The following PDE4D variants were observed in gnomAD, a reference collection of about 807,000 sequenced individuals.
PDE4D encodes 3',5'-cyclic-AMP phosphodiesterase 4D.
PDE4D carries 24 observed loss-of-function variants against 87.4 expected under a neutral mutation model. That is an observed-to-expected ratio of 0.27 (90% CI 0.20 to 0.39). The LOEUF (loss-of-function observed/expected upper bound fraction) is 0.39. Ranked by LOEUF, PDE4D falls within the 10% of genes least tolerant of loss-of-function variation. The pLI is 1.00. For missense variants in PDE4D, 714 were observed against 1,041.0 expected (o/e 0.69, Z 4.32); for synonymous variants, 384 against 383.2 (o/e 1.00, Z -0.02).
intron 1 of PDE4D, among the ~76,000 whole-genome samples, chr5:59,473,083 G>GAAAAAAAAAAA (rs10573988): frequency 4.3e-5 from 4 of 92,096 alleles, no homozygotes; most frequent in East Asian, 3.5e-4. Context: ...GCTTTCTCAT[G>GAAAAAAAAAAA]AAAAAAAAAA....
At chr5:59,474,735 T>A (rs6871710) in intron 1 of PDE4D, among the ~76,000 whole-genome samples, 4 of 151,910 alleles carry the variant, frequency 2.6e-5, no homozygotes, top group Non-Finnish European at 5.9e-5. Context: ...TTTGGATTAC[T>A]GCAGAATAAC....
At chr5:60,256,431 C>T (rs889473639) in intron 1 of PDE4D, among the ~76,000 whole-genome samples, 2 of 151,754 alleles carry the variant, frequency 1.3e-5, no homozygotes, top group South Asian at 4.2e-4. Context: ...TTTATAAATC[C>T]TTAATTTGTG....
chr5:59,292,442 G>GC (rs1400855982), intron 1 of PDE4D, among the ~76,000 whole-genome samples: 2 of 151,930 alleles, frequency 1.3e-5, no homozygotes, highest in East Asian at 3.9e-4. Context: ...TTTCCACAAC[G>GC]TAGATTATTT....
At chr5:60,257,411 G>A (rs934289882) in intron 1 of PDE4D, among the ~76,000 whole-genome samples, 10 of 151,758 alleles carry the variant, frequency 6.6e-5, no homozygotes, top group Admixed American at 3.3e-4. Context: ...TGGCAGCGGC[G>A]ATATCTGAAC....
At chr5:59,599,104 C>T (rs1447344268) in intron 1 of PDE4D, among the ~76,000 whole-genome samples, 1 of 151,602 alleles carries the variant, frequency 6.6e-6, no homozygotes, top group African/African-American at 2.4e-5. Context: ...GGGAAGCACG[C>T]AAGAAAGATA....
chr5:59,119,362 G>C (rs1254043806), intron 5 of PDE4D, among the ~76,000 whole-genome samples: 1 of 152,062 alleles, frequency 6.6e-6, no homozygotes, highest in Non-Finnish European at 1.5e-5. Context: ...TATTGTATAG[G>C]GGCTACCAGC....
At chr5:59,339,930 T>C (rs962846981) in intron 1 of PDE4D, among the ~76,000 whole-genome samples, 1 of 151,782 alleles carries the variant, frequency 6.6e-6, no homozygotes, top group Admixed American at 6.6e-5. Context: ...GTTTTTTTGT[T>C]GTTTTGTTTT....
At chr5:59,587,403 T>C in intron 1 of PDE4D, 1 of 969,990 alleles carries the variant, frequency 1.0e-6, no homozygotes, top group African/African-American at 1.8e-5. Flanking sequence ...TCATTTATTC[T>C]GATGCTCTGA....
intron 1 of PDE4D, among the ~76,000 whole-genome samples, chr5:60,324,878 T>C (rs1756638499): frequency 6.6e-6 from 1 of 152,150 alleles, no homozygotes; most frequent in Non-Finnish European, 1.5e-5. Context: ...CAAAGTATAG[T>C]CAACTATAGC....
At chr5:60,339,990 G>A (rs1007096788) in intron 1 of PDE4D, among the ~76,000 whole-genome samples, 4 of 152,192 alleles carry the variant, frequency 2.6e-5, no homozygotes, top group Non-Finnish European at 5.9e-5. Context: ...TGCCCTAAAG[G>A]CCTCTGCCTT....
chr5:59,912,889 TA>T (rs1753608772), intron 3 of PDE4D, among the ~76,000 whole-genome samples: 1 of 151,918 alleles, frequency 6.6e-6, no homozygotes, highest in Non-Finnish European at 1.5e-5. Context: ...TTCTGAAAAA[TA>T]AAATAAGAGA....
At chr5:59,099,320 G>A (rs1290207949) in intron 5 of PDE4D, among the ~76,000 whole-genome samples, 1 of 152,132 alleles carries the variant, frequency 6.6e-6, no homozygotes, top group Non-Finnish European at 1.5e-5. Flanking sequence ...TTCTTTACTG[G>A]AGCAAACTTC....
chr5:59,779,729 A>C (rs139782370), intron 1 of PDE4D, among the ~76,000 whole-genome samples: 12 of 152,348 alleles, frequency 7.9e-5, no homozygotes, highest in African/African-American at 2.9e-4. Flanking sequence ...TATTTCATTT[A>C]GCCATTTCCC....
intron 1 of PDE4D, among the ~76,000 whole-genome samples, chr5:59,759,818 CT>C (rs1761753804): frequency 6.6e-6 from 1 of 152,212 alleles, no homozygotes. Flanking sequence ...TGGTATTACA[CT>C]TTGCCTACAG....
intron 1 of PDE4D, among the ~76,000 whole-genome samples, chr5:60,231,265 G>T (rs1289593266): frequency 3.3e-5 from 5 of 151,734 alleles, no homozygotes; most frequent in African/African-American, 1.2e-4. Flanking sequence ...GTTCAATTGG[G>T]GTCATATGAC....
rs545400834 is a variant in PDE4D, at chr5:60,111,684, G to T, written c.42+73873C>A. On this transcript the variant is annotated intron_variant, in intron 2 of 16. Coordinates refer to the PDE4D transcript ENST00000502484. The stretch of plus-strand genomic sequence containing the variant: ...TAGTAGCATGCATTTTTCCAGATGG[G>T]TATATCTGTGATTAATCTATTCAGT... Among the ~76,000 whole-genome samples, 222 of 151,826 alleles carry T rather than the reference G, an allele frequency of 1.5e-3. 2 individuals are homozygous for T. The highest frequency in any genetic ancestry group is 2.2e-3 in the Non-Finnish European group (151 of 67,858).
At chr5:59,350,219 TAC>T (rs1780295891) in intron 1 of PDE4D, among the ~76,000 whole-genome samples, 1 of 152,166 alleles carries the variant, frequency 6.6e-6, no homozygotes, top group Admixed American at 6.5e-5. Context: ...ATGGCTCTTA[TAC>T]ACTCTCCTGT....
At chr5:59,568,738 C>G (rs1045278126) in intron 1 of PDE4D, among the ~76,000 whole-genome samples, 1 of 151,788 alleles carries the variant, frequency 6.6e-6, no homozygotes, top group Admixed American at 6.6e-5. Context: ...CTCAAAACTG[C>G]CAAGGTAATG....
intron 3 of PDE4D, among the ~76,000 whole-genome samples, chr5:59,942,081 G>A (rs981316436): frequency 2.6e-5 from 4 of 152,220 alleles, no homozygotes; most frequent in African/African-American, 9.6e-5. Flanking sequence ...ACTTGGAAGG[G>A]GGTGAGAGGG....
Sources: gnomAD v4.1 joint callset for allele counts (sites outside exome capture counted in the v4.1 genomes callset) on GRCh38, gnomAD v4.1.1 for gene constraint, MANE v1.5 for transcripts, NCBI Gene and HGNC (gene_info 2026-07-23, HGNC 2026-07-21) for gene names.